Variants in SLC36A4 observed in about 807,000 individuals in gnomAD.
SLC36A4 encodes the protein solute carrier family 36 member 4.
A neutral mutation model predicts 50.5 loss-of-function variants in SLC36A4; 49 were observed. The observed-to-expected ratio is 0.97, with a 90% CI of 0.77 to 1.23. The LOEUF is 1.23. SLC36A4 is among the 50% of genes most tolerant of loss of function. The pLI is 0.00. For synonymous variants in SLC36A4, 207 were observed against 206.5 expected (o/e 1.00, Z -0.02); for missense variants, 611 against 608.4 (o/e 1.00, Z -0.05).
chr11:93,159,073 A>G (rs1371015273), intron 9 of SLC36A4, among the ~76,000 whole-genome samples: 1 of 152,118 alleles, frequency 6.6e-6, no homozygotes, highest in African/African-American at 2.4e-5. Flanking sequence ...AGATATGGAT[A>G]GGTAATTCTT....
chr11:93,160,848 T>TAACAA, intron 9 of SLC36A4: 3 of 734,522 alleles, frequency 4.1e-6, no homozygotes, highest in Non-Finnish European at 5.0e-6. Flanking sequence ...ATTGTTATTA[T>TAACAA]TAATATTATT....
chr11:93,153,628 C>A (rs1860208655), intron 10 of SLC36A4, among the ~76,000 whole-genome samples: 1 of 151,972 alleles, frequency 6.6e-6, no homozygotes, highest in Non-Finnish European at 1.5e-5. Context: ...GATGAAGAGT[C>A]TTAATAAAAG....
chr11:93,166,112 A>G (rs1860851460), intron 7 of SLC36A4, 96 bp from the exon 8 acceptor site: 2 of 1,272,470 alleles, frequency 1.6e-6, no homozygotes, highest in Non-Finnish European at 2.1e-6. Context: ...TGAGCTTCAC[A>G]ACAGCAAATG....
At chr11:93,156,522 C>T (rs776703592) in intron 9 of SLC36A4, among the ~76,000 whole-genome samples, 8 of 151,530 alleles carry the variant, frequency 5.3e-5, no homozygotes, top group Non-Finnish European at 7.4e-5. Flanking sequence ...CCAGTTCAAG[C>T]GATTCTCCTG....
At position 93,181,728 on chromosome 11, in the gene SLC36A4, G is replaced by A. The variant is rs762743236; in HGVS notation, c.418C>T (p.Pro140Ser). ...DTVSFAMEVS[P>S]WSCLQKQAAW... ...GCTTGCTTCTGAAGACAACTCCAAGGACTCACTTCCATAGCAAAGCTCACA... is the reference window on the plus strand; with the variant it reads ...GCTTGCTTCTGAAGACAACTCCAAGAACTCACTTCCATAGCAAAGCTCACA... Residue 140 changes from proline (P) to serine (S), a missense_variant, in exon 5 of 11, where the codon CCT (proline) becomes TCT (serine). Coordinates refer to ENST00000326402, the MANE Select transcript of SLC36A4 (RefSeq NM_152313.4). 3.9e-6 allele frequency: 6 copies of A among 1,541,002 alleles called. 1 individual carries two copies. In the South Asian group the frequency reaches 7.2e-5, roughly 19 times the overall value.
At chr11:93,159,664 C>T in intron 9 of SLC36A4, 1 of 280,322 alleles carries the variant, frequency 3.6e-6, no homozygotes, top group Non-Finnish European at 5.4e-6. Context: ...ATGCCTTGAA[C>T]TAGTAAAACC....
chr11:93,187,674 T>C (rs1016070547), intron 1 of SLC36A4, among the ~76,000 whole-genome samples: 1 of 152,244 alleles, frequency 6.6e-6, no homozygotes, highest in Admixed American at 6.5e-5. Flanking sequence ...TTCAAGAGTG[T>C]TCCCTCTGTC....
intron 7 of SLC36A4, 42 bp downstream of exon 7, chr11:93,167,902 A>C (rs1272868554): frequency 7.4e-7 from 1 of 1,355,256 alleles, no homozygotes; most frequent in Non-Finnish European, 1.0e-6. Context: ...TTTTACTTAC[A>C]TAAGAAAGAT....
chr11:93,197,592 C>G lies in SLC36A4; in HGVS notation c.55+186G>C, dbSNP rs947253184. On this transcript the variant is annotated intron_variant, in intron 1 of 10. Coordinates refer to ENST00000326402, the MANE Select transcript of SLC36A4 (RefSeq NM_152313.4). ...TTTTAACGCCCTATTCAGGCCTGGG[C>G]TTCGTCTGACCAAGTTCTCGGGGTC... 6.2e-6 allele frequency: 4 copies of G among 640,164 alleles called. No individual in the cohort carries two copies. The South Asian group carries it at 7.6e-5, about 12-fold the overall frequency. 39.7% of individuals were successfully genotyped at this position (640,164 alleles called of 1,614,324 possible). A position where few individuals can be genotyped will look rare whatever the true frequency, so the allele number is the denominator to read the frequency against.
At chr11:93,175,227 A>G (rs1316236586) in intron 6 of SLC36A4, among the ~76,000 whole-genome samples, 4 of 151,458 alleles carry the variant, frequency 2.6e-5, no homozygotes, top group Non-Finnish European at 5.9e-5. Context: ...TTTCTAGTTT[A>G]TTTGCGTAGA....
At chr11:93,167,044 A>C (rs1053579156) in intron 7 of SLC36A4, 1 of 152,090 alleles carries the variant, frequency 6.6e-6, no homozygotes, top group Non-Finnish European at 1.5e-5. Context: ...TGACTCTTAC[A>C]TGTTTAGCTA....
chr11:93,162,138 C>T (rs953118574), intron 9 of SLC36A4, among the ~76,000 whole-genome samples: 2 of 151,994 alleles, frequency 1.3e-5, no homozygotes, highest in Non-Finnish European at 2.9e-5. Context: ...TTTATTAAAA[C>T]GTGTCCATAT....
At position 93,159,658 on chromosome 11, in the gene SLC36A4, C is replaced by T. The variant is rs537524373; in HGVS notation, c.1037+3048G>A. 9.9e-5 allele frequency: 26 copies of T among 261,750 alleles called. No homozygotes were observed. In the Middle Eastern group the frequency reaches 5.9e-3, roughly 59 times the overall value. 16.2% of individuals were successfully genotyped at this position (261,750 alleles called of 1,614,324 possible). Reference sequence around the variant, plus strand: ...TAGCATTTATCACTAGATTGAATGCCTTGAACTAGTAAAACCTTTAAAATA... The same window carrying T: ...TAGCATTTATCACTAGATTGAATGCTTTGAACTAGTAAAACCTTTAAAATA... On this transcript the variant is annotated intron_variant, in intron 9 of 10. Coordinates refer to ENST00000326402, the MANE Select transcript of SLC36A4 (RefSeq NM_152313.4).
At chr11:93,159,317 AT>A in intron 9 of SLC36A4, among the ~76,000 whole-genome samples, 1 of 152,308 alleles carries the variant, frequency 6.6e-6, no homozygotes, top group Admixed American at 6.5e-5. Flanking sequence ...GAATATCAAA[AT>A]TTATAATGCT....
chr11:93,197,902 C>G lies in SLC36A4; in HGVS notation c.-70G>C, dbSNP rs1862506458. The G allele has an allele frequency of 7.0e-7, 1 of 1,436,594 alleles. No homozygotes were observed. Among genetic ancestry groups the G allele is most frequent in the East Asian group, 2.7e-5 (1 of 36,386 alleles). 89.0% of individuals were successfully genotyped at this position (1,436,594 alleles called of 1,614,324 possible). ...CCGCCGCTGCGTGGCCGGCGTCAGG[C>G]CCAGGCCTACCTCCCCTGCCCGGAG... On this transcript the variant is annotated 5_prime_UTR_variant, in exon 1 of 11. Coordinates refer to ENST00000326402, the MANE Select transcript of SLC36A4 (RefSeq NM_152313.4).
At position 93,154,170 on chromosome 11, in the gene SLC36A4, A is replaced by G; in HGVS notation, c.1145T>C (p.Phe382Ser). ...ACAGATTTGCTTCCATTTAGTATGA[A>G]ATTTGGATGTGATCCCAGGGATAAT... The part of the protein sequence containing the change: ...EIIIPGITSK[F>S]HTKWKQICEF... Residue 382 changes from phenylalanine (F) to serine (S), a missense_variant, in exon 10 of 11, where the codon TTT becomes TCT. Transcript: ENST00000326402. The G allele has an allele frequency of 6.4e-7, 1 of 1,567,878 alleles. No individual in the cohort carries two copies. The highest frequency in any genetic ancestry group is 1.9e-5 in the Admixed American group (1 of 52,734).
In SLC36A4 at chr11:93,182,913, T is replaced by C. The variant is rs1288876174; in HGVS notation, c.271-19A>G. On this transcript the variant is annotated intron_variant, in intron 3 of 10. Coordinates refer to ENST00000326402, the MANE Select transcript of SLC36A4 (RefSeq NM_152313.4). The stretch of plus-strand genomic sequence containing the variant: ...GTCCAAGCTGTGGGGAAAAAAAATT[T>C]ATAAGGTTTAAATATTTAACAGAAA... The C allele has an allele frequency of 6.4e-7, 1 of 1,559,210 alleles. No individual in the cohort carries two copies. The highest frequency in any genetic ancestry group is 1.1e-5 in the South Asian group (1 of 87,244).
intron 10 of SLC36A4, 62 bp from the exon 11 acceptor site, chr11:93,148,906 A>G: frequency 1.5e-6 from 2 of 1,377,946 alleles, no homozygotes; most frequent in Non-Finnish European, 2.0e-6. Context: ...ATGAATATTA[A>G]CAGTAAGTAT....
In SLC36A4 at chr11:93,197,797, C is replaced by G. The variant is rs1313003528; in HGVS notation, c.36G>C (p.Ala12=). 1 of 1,585,998 alleles carries G rather than the reference C, an allele frequency of 6.3e-7. No individual in the cohort carries two copies. The highest frequency in any genetic ancestry group is 1.4e-5 in the African/African-American group (1 of 72,960). Residue 12 remains alanine (A), a synonymous_variant, in exon 1 of 11, where the codon GCG becomes GCC. Transcript: ENST00000326402. ...ACCGACCTAGCTCCTCGCGCCTCGC[C>G]GCCCCGGCAGCCGCCGGCGTCGCCG... is the stretch of plus-strand genomic sequence containing the variant. ...EAAATPAAAG[A]ARREELDMDV... is the part of the protein sequence containing the mutation.
Sources: gnomAD v4.1 joint callset for allele counts (sites outside exome capture counted in the v4.1 genomes callset) on GRCh38, gnomAD v4.1.1 for gene constraint, MANE v1.5 for transcripts, NCBI Gene and HGNC (gene_info 2026-07-23, HGNC 2026-07-21) for gene names.